The following TPP2 variants were observed in gnomAD, a reference collection of about 807,000 sequenced individuals.
The protein encoded by TPP2 is tripeptidyl-peptidase 2.
A neutral mutation model predicts 155.9 loss-of-function variants in TPP2; 34 were observed. That is an observed-to-expected ratio of 0.22 (90% CI 0.17 to 0.29). The LOEUF (loss-of-function observed/expected upper bound fraction) is 0.29. Ranked by LOEUF, TPP2 falls within the 10% of genes least tolerant of loss-of-function variation. The probability of loss-of-function intolerance (pLI) is 1.00; values close to 1 mark genes in which losing one functional copy is unlikely to be tolerated. For synonymous variants in TPP2, 510 were observed against 529.4 expected, an observed-to-expected ratio of 0.96 and a Z score of 0.50; for missense variants, 1,028 against 1,522.3, an observed-to-expected ratio of 0.68 and a Z score of 5.40.
chr13:102,634,513 C>G (rs1188912143), intron 11 of TPP2, among the ~76,000 whole-genome samples: 4 of 152,114 alleles, frequency 2.6e-5, no homozygotes, highest in African/African-American at 9.7e-5. Context: ...GAGTGGTGCA[C>G]AGGATTAAAT....
intron 25 of TPP2, among the ~76,000 whole-genome samples, chr13:102,658,157 C>A (rs1883979505): frequency 6.6e-6 from 1 of 152,144 alleles, no homozygotes; most frequent in East Asian, 1.9e-4. Context: ...TCTATGTAGT[C>A]AAGTCAGTTG....
At chr13:102,660,020 T>G (rs1422720713) in intron 25 of TPP2, among the ~76,000 whole-genome samples, 2 of 151,736 alleles carry the variant, frequency 1.3e-5, no homozygotes, top group Non-Finnish European at 2.9e-5. Context: ...AATTGGTGTA[T>G]TACAGTAATA....
At chr13:102,647,966 A>G (rs1310384533) in intron 21 of TPP2, among the ~76,000 whole-genome samples, 1 of 152,214 alleles carries the variant, frequency 6.6e-6, no homozygotes, top group East Asian at 1.9e-4. Flanking sequence ...ATTTATGGAG[A>G]TTTTTTTCAA....
intron 1 of TPP2, among the ~76,000 whole-genome samples, chr13:102,601,393 C>CTT (rs1463921714): frequency 6.6e-6 from 1 of 152,108 alleles, no homozygotes; most frequent in Non-Finnish European, 1.5e-5. Flanking sequence ...AATGTCCTAC[C>CTT]TTTTGTTCTG....
Position 102,678,280 on chromosome 13 carries a change from C to T in TPP2, c.3753C>T (p.Leu1251=). The T allele has an allele frequency of 6.2e-7, 1 of 1,613,642 alleles. No homozygotes were observed. The highest frequency in any genetic ancestry group is 8.5e-7 in the Non-Finnish European group (1 of 1,179,714). The change falls in exon 30 of 30, where the codon CTC becomes CTT. Residue 1251 remains leucine (L), a synonymous_variant. Transcript: ENST00000376052. ...THCASFTENW[L]PIMYPPDYCV... ...GTGCATCTTTTACTGAAAACTGGCT[C>T]CCCATCATGTATCCTCCCGATTATT...
intron 11 of TPP2, 126 bp downstream of exon 11, chr13:102,634,224 G>A (rs1882216676): frequency 1.7e-5 from 21 of 1,257,754 alleles, no homozygotes; most frequent in African/African-American, 3.0e-5. Flanking sequence ...TTAAGGTAAC[G>A]AATAACTTAT....
rs1880932312 is a variant in TPP2, at chr13:102,618,775, T to C, written c.549T>C (p.Ser183=). The C allele has an allele frequency of 6.2e-7, 1 of 1,613,866 alleles. No homozygotes were observed. The highest frequency in any genetic ancestry group is 8.5e-7 in the Non-Finnish European group (1 of 1,179,896). ...AAAGTCAAGTGGAATTGCTAAATTC[T>C]TTTGAGAAGAAATACAGCGATCCTG... The part of the protein sequence containing the change: ...ELQSQVELLN[S]FEKKYSDPGP... The change falls in exon 5 of 30, where the codon TCT becomes TCC. Residue 183 remains serine, a synonymous_variant. Coordinates refer to ENST00000376052, the MANE Select transcript of TPP2 (RefSeq NM_001330588.2).
At chr13:102,625,118 A>G (rs555770300) in intron 6 of TPP2, among the ~76,000 whole-genome samples, 13 of 149,840 alleles carry the variant, frequency 8.7e-5, no homozygotes, top group Admixed American at 8.6e-4. Flanking sequence ...TCGGCCTCCC[A>G]AAGTGCTGAG....
chr13:102,678,029 G>A (rs1885399403), intron 29 of TPP2, among the ~76,000 whole-genome samples, 198 bp from the exon 30 acceptor site: 1 of 152,130 alleles, frequency 6.6e-6, no homozygotes, highest in Non-Finnish European at 1.5e-5. Flanking sequence ...CAATAGGTTG[G>A]TTGGTAGGAA....
chr13:102,629,012 T>C (rs1881839086), intron 8 of TPP2, among the ~76,000 whole-genome samples: 1 of 152,212 alleles, frequency 6.6e-6, no homozygotes, highest in Non-Finnish European at 1.5e-5. Context: ...TTTTCTTGTT[T>C]GCTGTCAAGC....
intron 27 of TPP2, among the ~76,000 whole-genome samples, chr13:102,669,096 T>A (rs1884801653): frequency 6.6e-6 from 1 of 152,212 alleles, no homozygotes; most frequent in South Asian, 2.1e-4. Flanking sequence ...ACATTACTGT[T>A]TATATCTTTC....
intron 27 of TPP2, 129 bp from the exon 28 acceptor site, chr13:102,674,153 GT>G: frequency 1.1e-6 from 1 of 920,086 alleles, no homozygotes. Context: ...ACAATTGTAC[GT>G]ACCTGGATAT....
intron 25 of TPP2, among the ~76,000 whole-genome samples, chr13:102,661,310 GCACGATCATAGCT>G (rs1566366227): frequency 6.8e-6 from 1 of 147,192 alleles, no homozygotes; most frequent in Non-Finnish European, 1.5e-5. Context: ...GACTGCAGTG[GCACGATCATAGCT>G]CACTGCAGCC....
At chr13:102,640,690 C>T (rs1441789601) in intron 16 of TPP2, among the ~76,000 whole-genome samples, 2 of 123,226 alleles carry the variant, frequency 1.6e-5, no homozygotes, top group South Asian at 2.7e-4. Flanking sequence ...CTCACTCTGT[C>T]GCCAGGCTGG....
intron 28 of TPP2, 127 bp from the exon 29 acceptor site, chr13:102,676,169 T>G: frequency 1.2e-6 from 1 of 848,450 alleles, no homozygotes; most frequent in East Asian, 3.3e-5. Context: ...TTTTTAAAAA[T>G]GTACTCTATG....
At chr13:102,667,958 G>A in intron 27 of TPP2, 1 of 258,094 alleles carries the variant, frequency 3.9e-6, no homozygotes, top group Non-Finnish European at 6.1e-6. Flanking sequence ...CCCTGAGCCA[G>A]CGACGCTCAC....
rs1209302468 is a variant in TPP2 at position 102,612,782 on chromosome 13, T to A, written c.295-1319T>A. On this transcript the variant is annotated intron_variant, in intron 2 of 29. Coordinates refer to ENST00000376052, the MANE Select transcript of TPP2 (RefSeq NM_001330588.2). ...AATTAAATTATGTCTATTGGATTGT[T>A]TTTATTGTACTTTATGTTTTTTTAA... Among the ~76,000 whole-genome samples the A allele has an allele frequency of 3.9e-5, 6 of 152,330 alleles. No homozygotes were observed. The East Asian group carries it at 1.2e-3, about 29-fold the overall frequency.
At chr13:102,649,357 G>A in intron 22 of TPP2, 51 bp from the exon 23 acceptor site, 1 of 1,566,472 alleles carries the variant, frequency 6.4e-7, no homozygotes, top group Non-Finnish European at 8.7e-7. Context: ...ACTTGTCTTT[G>A]TGAAACTTTC....
intron 1 of TPP2, among the ~76,000 whole-genome samples, chr13:102,601,146 C>T (rs183738388): frequency 2.0e-5 from 3 of 152,274 alleles, no homozygotes; most frequent in African/African-American, 7.2e-5. Flanking sequence ...TTGTCATCAT[C>T]TCTCTACTTA....
Sources: gnomAD v4.1 joint callset for allele counts (sites outside exome capture counted in the v4.1 genomes callset) on GRCh38, gnomAD v4.1.1 for gene constraint, MANE v1.5 for transcripts, NCBI Gene and HGNC (gene_info 2026-07-23, HGNC 2026-07-21) for gene names.